The following CREB5 variants were observed in gnomAD, a reference collection of about 807,000 sequenced individuals.
CREB5 encodes cyclic AMP-responsive element-binding protein 5.
CREB5 carries 19 observed loss-of-function variants against 57.1 expected under a neutral mutation model. That is an observed-to-expected ratio of 0.33 (90% CI 0.23 to 0.49). The LOEUF is 0.49. CREB5 is among the 20% of genes least tolerant of loss of function. The probability of loss-of-function intolerance (pLI) is 0.99; values close to 1 mark genes in which losing one functional copy is unlikely to be tolerated. For missense variants in CREB5, 579 were observed against 671.6 expected, an observed-to-expected ratio of 0.86 and a Z score of 1.52; for synonymous variants, 238 against 238.3, an observed-to-expected ratio of 1.00 and a Z score of 0.01.
chr7:28,793,273 A>G (rs1807833377), intron 7 of CREB5, among the ~76,000 whole-genome samples: 1 of 152,170 alleles, frequency 6.6e-6, no homozygotes, highest in South Asian at 2.1e-4. Context: ...AGGACTGGAC[A>G]CCCACAGAGC....
At chr7:28,709,097 A>G (rs149621295) in intron 5 of CREB5, among the ~76,000 whole-genome samples, 2 of 152,290 alleles carry the variant, frequency 1.3e-5, no homozygotes, top group Non-Finnish European at 2.9e-5. Flanking sequence ...TGCGTTCAAA[A>G]TCATCTTTTA....
chr7:28,383,726 C>G (rs772310987), intron 1 of CREB5, among the ~76,000 whole-genome samples: 1 of 152,128 alleles, frequency 6.6e-6, no homozygotes, highest in Non-Finnish European at 1.5e-5. Flanking sequence ...CGCCTCCCAC[C>G]AGGCCCCACG....
chr7:28,645,663 G>A (rs1464976003), intron 5 of CREB5, among the ~76,000 whole-genome samples: 2 of 152,210 alleles, frequency 1.3e-5, no homozygotes, highest in African/African-American at 4.8e-5. Context: ...ATGCTGGTAT[G>A]TACTAGGAGA....
At chr7:28,424,109 T>C (rs1788393525) in intron 1 of CREB5, among the ~76,000 whole-genome samples, 1 of 152,232 alleles carries the variant, frequency 6.6e-6, no homozygotes, top group African/African-American at 2.4e-5. Context: ...TGGTCTTCCC[T>C]TCGCATATCT....
chr7:28,551,874 C>CTTTCTTTCTTTTCTTTCTTTCTT (rs1562791170), intron 4 of CREB5, among the ~76,000 whole-genome samples: 4 of 139,174 alleles, frequency 2.9e-5, no homozygotes, highest in African/African-American at 1.1e-4. Flanking sequence ...CTTTCTTTTT[C>CTTTCTTTCTTTTCTTTCTTTCTT]TTTCTTTCTT....
intron 7 of CREB5, among the ~76,000 whole-genome samples, chr7:28,787,318 T>G (rs925973476): frequency 6.6e-6 from 1 of 152,178 alleles, no homozygotes; most frequent in African/African-American, 2.4e-5. Flanking sequence ...TCCTCCTTGT[T>G]TCTTATTTAG....
chr7:28,470,856 G>A (rs1322550295), intron 1 of CREB5, among the ~76,000 whole-genome samples: 1 of 152,114 alleles, frequency 6.6e-6, no homozygotes, highest in African/African-American at 2.4e-5. Context: ...TCATATGTCG[G>A]TTTGCTATTT....
intron 5 of CREB5, among the ~76,000 whole-genome samples, chr7:28,684,319 A>G (rs1329935084): frequency 1.3e-5 from 2 of 152,126 alleles, no homozygotes; most frequent in East Asian, 3.9e-4. Flanking sequence ...ATGGCTGATC[A>G]CCTCTAATTC....
intron 5 of CREB5, among the ~76,000 whole-genome samples, chr7:28,570,868 G>T (rs532994549): frequency 6.6e-6 from 1 of 152,184 alleles, no homozygotes; most frequent in African/African-American, 2.4e-5. Context: ...GAACAAACAT[G>T]GTGGAGGGAA....
chr7:28,318,652 G>A (rs1158188081), intron 1 of CREB5, among the ~76,000 whole-genome samples: 1 of 152,186 alleles, frequency 6.6e-6, no homozygotes, highest in Non-Finnish European at 1.5e-5. Context: ...GGCATGTTCA[G>A]GCTGAAAGAG....
chr7:28,590,627 T>A (rs2128663719), intron 5 of CREB5, among the ~76,000 whole-genome samples: 1 of 151,340 alleles, frequency 6.6e-6, no homozygotes, highest in East Asian at 2.0e-4. Flanking sequence ...TGTATACATG[T>A]GTAACAAACC....
intron 4 of CREB5, among the ~76,000 whole-genome samples, chr7:28,550,721 G>T (rs1003944469): frequency 1.3e-5 from 2 of 152,174 alleles, no homozygotes; most frequent in African/African-American, 4.8e-5. Flanking sequence ...AGCCAATGAG[G>T]TAATTTTCCC....
chr7:28,559,572 C>T (rs570627451), intron 4 of CREB5, among the ~76,000 whole-genome samples: 56 of 144,908 alleles, frequency 3.9e-4, no homozygotes, highest in African/African-American at 1.2e-3. Flanking sequence ...GCCTCAGCCT[C>T]CCAAAAAGCT....
chr7:28,776,470 C>T (rs1806649962), intron 7 of CREB5, among the ~76,000 whole-genome samples: 1 of 151,786 alleles, frequency 6.6e-6, no homozygotes, highest in Admixed American at 6.6e-5. Flanking sequence ...TATATTATTT[C>T]TGCTTTTTAT....
intron 4 of CREB5, among the ~76,000 whole-genome samples, chr7:28,521,177 A>G: frequency 6.6e-6 from 1 of 151,744 alleles, no homozygotes; most frequent in African/African-American, 2.4e-5. Context: ...CGTGTGTATA[A>G]GTGTGTGTGT....
intron 4 of CREB5, among the ~76,000 whole-genome samples, chr7:28,514,655 A>G (rs1792869255): frequency 6.6e-6 from 1 of 152,120 alleles, no homozygotes; most frequent in Admixed American, 6.5e-5. Context: ...CGGCCTCCCA[A>G]AGTGCTGGGA....
At chr7:28,431,090 G>T (rs1283925693) in intron 1 of CREB5, among the ~76,000 whole-genome samples, 1 of 152,214 alleles carries the variant, frequency 6.6e-6, no homozygotes, top group African/African-American at 2.4e-5. Flanking sequence ...TTCCCCAGGA[G>T]CAAGCAAGGG....
chr7:28,756,389 C>CT lies in CREB5; in HGVS notation c.702+32060dup, dbSNP rs1407847469. The stretch of plus-strand genomic sequence containing the variant: ...GCACCATGGAGAAACCCCGTCTCTA[C>CT]TTTAAAAAAATACAAAATTAGCCAG... On this transcript the variant is annotated intron_variant, in intron 7 of 10. Transcript: ENST00000357727. Among the ~76,000 whole-genome samples, 7 of 152,140 alleles carry CT rather than the reference C, an allele frequency of 4.6e-5. No homozygotes were observed. The East Asian group carries it at 1.4e-3, about 29-fold the overall frequency.
At chr7:28,394,070 CAAAAAAAAAAAAAAAAAAAAAAA>C (rs56166148) in intron 1 of CREB5, among the ~76,000 whole-genome samples, 1 of 53,014 alleles carries the variant, frequency 1.9e-5, no homozygotes, top group Non-Finnish European at 3.1e-5. Flanking sequence ...GACTCTGTCT[CAAAAAAAAAAAAAAAAAAAAAAA>C]AAAAAAAAAA....
Sources: allele counts gnomAD v4.1 joint callset (sites outside exome capture counted in the v4.1 genomes callset), GRCh38; gene constraint gnomAD v4.1.1; transcripts MANE v1.5; gene names NCBI Gene and HGNC (gene_info 2026-07-23, HGNC 2026-07-21).